MTMR1: variants seen among roughly 807,000 people sequenced by gnomAD.
MTMR1 encodes myotubularin related protein 1, also known as phosphatidylinositol-3-phosphate phosphatase MTMR1.
In MTMR1, 17 loss-of-function variants were observed where a neutral mutation model predicts 51.6. The observed-to-expected ratio is 0.33, with a 90% CI of 0.23 to 0.49. The LOEUF is 0.49. Ranked by LOEUF, MTMR1 falls within the 20% of genes least tolerant of loss-of-function variation. The probability of loss-of-function intolerance (pLI) is 0.99; values close to 1 mark genes in which losing one functional copy is unlikely to be tolerated. For synonymous variants in MTMR1, 201 were observed against 205.6 expected (o/e 0.98, Z 0.19); for missense variants, 386 against 526.9 (o/e 0.73, Z 2.62).
At chrX:150,695,228 G>A (rs1001394971) in intron 1 of MTMR1, among the ~76,000 whole-genome samples, 13 of 112,114 alleles carry the variant, frequency 1.2e-4, no homozygotes, top group African/African-American at 3.9e-4. Flanking sequence ...AAGGGATGAC[G>A]TTAGAGAAGT....
At chrX:150,710,641 G>A (rs782390851) in intron 2 of MTMR1, among the ~76,000 whole-genome samples, 1 of 112,567 alleles carries the variant, frequency 8.9e-6, no homozygotes, top group South Asian at 3.7e-4. Flanking sequence ...GATTACAGGC[G>A]TGAGCCACTG....
rs187444974 is a variant in MTMR1, at chrX:150,746,685, T to G, written c.1566+2232T>G. The stretch of plus-strand genomic sequence containing the variant: ...GACCTCCATTCTTTATACTGCTTAG[T>G]GCCTGTTTTCATGTCTAAGCCATGT... On this transcript the variant is annotated intron_variant, in intron 13 of 15. Coordinates refer to ENST00000445323, the MANE Select transcript of MTMR1 (RefSeq NM_001306144.3). 5.5e-4 allele frequency among the ~76,000 whole-genome samples: 62 copies of G among 112,734 alleles called. No homozygotes were observed. In the East Asian group the frequency reaches 0.01, roughly 19 times the overall value.
Position 150,755,802 on chromosome X carries a change from T to C in MTMR1, c.1794T>C (p.Ser598=), listed in dbSNP as rs1557417737. ...YENHVLYPVA[S]LSHLELWVNY... Reference sequence around the variant, plus strand: ...ACCACGTGTTATATCCTGTTGCTAGTCTGAGTCATTTGGAATTGTGGGTAA... The same window carrying C: ...ACCACGTGTTATATCCTGTTGCTAGCCTGAGTCATTTGGAATTGTGGGTAA... The change falls in exon 15 of 16, where the codon AGT becomes AGC. Residue 598 remains serine (S), a synonymous_variant. Transcript: ENST00000445323. 8.3e-7 allele frequency: 1 copy of C among 1,207,375 alleles called. No individual in the cohort carries two copies. The highest frequency in any genetic ancestry group is 3.0e-5 in the East Asian group (1 of 33,834).
In MTMR1 at chrX:150,736,731, C is replaced by T. The variant is rs1357005805; in HGVS notation, c.1217C>T (p.Ala406Val). The change falls in exon 11 of 16, where the codon GCG becomes GTG. Residue 406 changes from alanine (A) to valine (V), a missense_variant. Coordinates refer to ENST00000445323, the MANE Select transcript of MTMR1 (RefSeq NM_001306144.3). ...KEIVYPSIDE[A>V]RWLSNVDGTH... ...ATTGTGTACCCTTCGATCGATGAGG[C>T]GCGGTGGCTCTCCAATGTGGATGGG... is the stretch of plus-strand genomic sequence containing the variant. 31 of 1,209,035 alleles carry T rather than the reference C, an allele frequency of 2.6e-5. No individual in the cohort carries two copies. The highest frequency in any genetic ancestry group is 3.5e-5 in the South Asian group (2 of 56,613).
At chrX:150,718,934 G>A (rs2041655967) in intron 4 of MTMR1, among the ~76,000 whole-genome samples, 2 of 110,864 alleles carry the variant, frequency 1.8e-5, no homozygotes, top group Admixed American at 1.9e-4. Context: ...CAGAAGAGGG[G>A]CCTGACTTTT....
At chrX:150,704,384 A>C in intron 2 of MTMR1, among the ~76,000 whole-genome samples, 1 of 112,046 alleles carries the variant, frequency 8.9e-6, no homozygotes. Context: ...CAACAAAGCC[A>C]GTTGGGAGAG....
chrX:150,740,905 T>C (rs1336509917), intron 12 of MTMR1, among the ~76,000 whole-genome samples: 1 of 109,777 alleles, frequency 9.1e-6, no homozygotes, highest in Non-Finnish European at 1.9e-5. Context: ...CGGGAACTAA[T>C]AGAGAACTCA....
chrX:150,744,054 G>A (rs782185608), intron 12 of MTMR1, among the ~76,000 whole-genome samples: 13 of 112,854 alleles, frequency 1.2e-4, no homozygotes, highest in Non-Finnish European at 2.2e-4. Flanking sequence ...TACACTTAGT[G>A]TGGTGGCTGG....
At chrX:150,725,558 A>G (rs2041897463) in intron 4 of MTMR1, among the ~76,000 whole-genome samples, 1 of 111,493 alleles carries the variant, frequency 9.0e-6, no homozygotes, top group Non-Finnish European at 1.9e-5. Flanking sequence ...TTGTTATGTA[A>G]CTAGTTATTT....
intron 14 of MTMR1, among the ~76,000 whole-genome samples, chrX:150,754,867 A>G (rs1557417701): frequency 1.8e-5 from 2 of 110,638 alleles, no homozygotes; most frequent in Admixed American, 1.9e-4. Flanking sequence ...CCGCCAAAAA[A>G]TACAAAAATT....
At chrX:150,743,135 G>A (rs1274999863) in intron 12 of MTMR1, among the ~76,000 whole-genome samples, 1 of 111,484 alleles carries the variant, frequency 9.0e-6, no homozygotes, top group African/African-American at 3.3e-5. Context: ...GGATGTAGTG[G>A]TTCATGCTTG....
At position 150,737,256 on chromosome X, in the gene MTMR1, G is replaced by C. The variant is rs1306522780; in HGVS notation, c.1281G>C (p.Gly427=). 2.5e-5 allele frequency: 30 copies of C among 1,208,930 alleles called. No homozygotes were observed. In the African/African-American group the frequency reaches 2.8e-4, roughly 11 times the overall value. ...TTTTTCTGAAGATGCTGCTTGCTGG[G>C]GCAGTAAGAATTGCTGATAAAATAG... ...WLEYIRMLLA[G]AVRIADKIES... is the part of the protein sequence containing the mutation. The change falls in exon 12 of 16, where the codon GGG becomes GGC. Residue 427 remains glycine, a synonymous_variant. Transcript: ENST00000445323.
In MTMR1 at chrX:150,736,648, G is replaced by A. The variant is rs1557417168; in HGVS notation, c.1134G>A (p.Val378=). 4 of 1,211,790 alleles carry A rather than the reference G, an allele frequency of 3.3e-6. No individual in the cohort carries two copies. The South Asian group carries it at 5.3e-5, about 16-fold the overall frequency. Residue 378 remains valine (V), a synonymous_variant, in exon 11 of 16, where the codon GTG becomes GTA. Transcript: ENST00000445323. ...SESAYPNAEL[V]FLEIHNIHVM... is the part of the protein sequence containing the mutation. ...GTGCTTACCCAAATGCAGAACTTGTGTTCTTGGAGATCCACAACATTCATG... is the reference window on the plus strand; with the variant it reads ...GTGCTTACCCAAATGCAGAACTTGTATTCTTGGAGATCCACAACATTCATG...
intron 10 of MTMR1, chrX:150,735,250 T>G (rs1374211328): frequency 3.3e-6 from 1 of 307,487 alleles, no homozygotes; most frequent in African/African-American, 2.7e-5. Flanking sequence ...AATTTTATGT[T>G]GTTTTAAGTC....
At chrX:150,712,485 C>A in intron 3 of MTMR1, 120 bp downstream of exon 3, 2 of 657,367 alleles carry the variant, frequency 3.0e-6, no homozygotes, top group South Asian at 3.0e-5. Flanking sequence ...TCACTCAGAT[C>A]AATTTGCTCT....
At chrX:150,750,562 A>G (rs1052959755) in intron 13 of MTMR1, among the ~76,000 whole-genome samples, 168 bp from the exon 14 acceptor site, 22 of 112,224 alleles carry the variant, frequency 2.0e-4, no homozygotes, top group African/African-American at 6.5e-4. Context: ...AGCCAGATCT[A>G]TAAGTTTGGA....
intron 9 of MTMR1, among the ~76,000 whole-genome samples, chrX:150,731,830 A>G (rs781856199): frequency 8.0e-5 from 9 of 112,065 alleles, no homozygotes; most frequent in Non-Finnish European, 1.1e-4. Flanking sequence ...TCCTATAACT[A>G]AGTATAAGGG....
chrX:150,736,815 T>G, intron 11 of MTMR1, 35 bp downstream of exon 11: 1 of 1,133,699 alleles, frequency 8.8e-7, no homozygotes, highest in East Asian at 3.0e-5. Flanking sequence ...GCTTTCCAGT[T>G]AAGACTTCTT....
chrX:150,699,466 T>G (rs1269008189), intron 2 of MTMR1, among the ~76,000 whole-genome samples, 166 bp downstream of exon 2: 1 of 112,447 alleles, frequency 8.9e-6, no homozygotes, highest in African/African-American at 3.2e-5. Flanking sequence ...AGAAGAGAAA[T>G]TTTACCAGTA....
Sources: allele counts gnomAD v4.1 joint callset (sites outside exome capture counted in the v4.1 genomes callset), GRCh38; gene constraint gnomAD v4.1.1; transcripts MANE v1.5; gene names NCBI Gene and HGNC (gene_info 2026-07-23, HGNC 2026-07-21).